DAPK1: variants seen among roughly 807,000 people sequenced by gnomAD.
DAPK1 encodes death associated protein kinase 1.
In DAPK1, 56 loss-of-function variants were observed where a neutral mutation model predicts 144.9. The ratio of observed to expected loss-of-function variants is 0.39; its 90% confidence interval spans 0.31 to 0.48. DAPK1 has a LOEUF of 0.48. DAPK1 is among the 20% of genes least tolerant of loss of function. The pLI, the probability that DAPK1 is intolerant of heterozygous loss-of-function variation, is 0.95. For synonymous variants in DAPK1, 690 were observed against 749.0 expected (o/e 0.92, Z 1.29); for missense variants, 1,454 against 1,875.4 (o/e 0.78, Z 4.15).
chr9:87,668,550 A>T (rs547569066), intron 18 of DAPK1, 47 bp from the exon 19 acceptor site: 9 of 930,054 alleles, frequency 9.7e-6, no homozygotes, highest in Non-Finnish European at 1.6e-5. Flanking sequence ...GAACACACAC[A>T]GCTCTCCTTT....
intron 3 of DAPK1, among the ~76,000 whole-genome samples, chr9:87,617,282 G>A (rs1829129645): frequency 6.6e-6 from 1 of 152,148 alleles, no homozygotes; most frequent in Admixed American, 6.5e-5. Context: ...TATTGGAATG[G>A]GGAGGTAGAG....
chr9:87,598,811 A>T (rs182846413), intron 2 of DAPK1, among the ~76,000 whole-genome samples: 27 of 152,360 alleles, frequency 1.8e-4, no homozygotes, highest in Admixed American at 5.9e-4. Context: ...ACCTACAGAA[A>T]CAGGAATGCT....
At chr9:87,674,766 G>A (rs1044456435) in intron 19 of DAPK1, among the ~76,000 whole-genome samples, 13 of 152,154 alleles carry the variant, frequency 8.5e-5, no homozygotes, top group South Asian at 8.3e-4. Context: ...TTCCCAGACC[G>A]TGAATGGTCT....
chr9:87,705,436 G>T (rs1451781989), intron 25 of DAPK1, among the ~76,000 whole-genome samples: 1 of 151,804 alleles, frequency 6.6e-6, no homozygotes, highest in Non-Finnish European at 1.5e-5. Flanking sequence ...TGGCCAGGCT[G>T]GTCTCAAACT....
At chr9:87,698,624 A>C (rs754849822) in intron 22 of DAPK1, 32 bp from the exon 23 acceptor site, 2 of 1,525,070 alleles carry the variant, frequency 1.3e-6, no homozygotes, top group Non-Finnish European at 1.8e-6. Context: ...AGGAGGACCC[A>C]CCCCCTGAAG....
At chr9:87,585,122 C>G (rs535425583) in intron 2 of DAPK1, among the ~76,000 whole-genome samples, 1 of 152,248 alleles carries the variant, frequency 6.6e-6, no homozygotes, top group Non-Finnish European at 1.5e-5. Context: ...ACACTTTTTC[C>G]CATTCGGTAG....
rs1335190608 is a variant in DAPK1 at position 87,652,199 on chromosome 9, C to G, written c.1824+475C>G. Among the ~76,000 whole-genome samples the G allele has an allele frequency of 2.4e-4, 30 of 123,526 alleles. No individual in the cohort carries two copies. In the East Asian group the frequency reaches 7.3e-3, roughly 30 times the overall value. 81.0% of individuals were successfully genotyped at this position (123,526 alleles called of 152,430 possible). On this transcript the variant is annotated intron_variant, in intron 17 of 25. Transcript: ENST00000408954. ...TCCCAGGTCCTGATTCTGTGTCCATCCCCCCGATCCCGGGTCCTGATTCTG... is the reference window on the plus strand; with the variant it reads ...TCCCAGGTCCTGATTCTGTGTCCATGCCCCCGATCCCGGGTCCTGATTCTG...
chr9:87,620,541 G>A (rs2119037642), intron 3 of DAPK1, among the ~76,000 whole-genome samples: 1 of 143,706 alleles, frequency 7.0e-6, no homozygotes, highest in African/African-American at 2.5e-5. Flanking sequence ...GCCCAGTCAA[G>A]AAGGAGGAAG....
At chr9:87,660,333 G>C (rs985438306) in intron 18 of DAPK1, among the ~76,000 whole-genome samples, 6 of 151,970 alleles carry the variant, frequency 3.9e-5, no homozygotes, top group African/African-American at 1.5e-4. Flanking sequence ...TGGGGGCGTC[G>C]CCCTCAGAAA....
chr9:87,521,985 A>C (rs1462099950), intron 2 of DAPK1, among the ~76,000 whole-genome samples: 2 of 152,120 alleles, frequency 1.3e-5, no homozygotes, highest in African/African-American at 4.8e-5. Context: ...TTTAGTGAGC[A>C]TTTTCTTGCC....
intron 2 of DAPK1, among the ~76,000 whole-genome samples, chr9:87,567,685 A>G (rs956328775): frequency 3.9e-5 from 6 of 152,038 alleles, no homozygotes; most frequent in Admixed American, 1.3e-4. Context: ...AGCTTTTCTC[A>G]GTGCTGGAGA....
In DAPK1 at chr9:87,686,766, G is replaced by A; in HGVS notation, c.2413+27G>A. The A allele has an allele frequency of 1.3e-6, 2 of 1,549,904 alleles. No homozygotes were observed. The highest frequency in any genetic ancestry group is 1.8e-6 in the Non-Finnish European group (2 of 1,126,190). On this transcript the variant is annotated intron_variant, in intron 21 of 25. Transcript: ENST00000408954. The surrounding 1 kb of genome is among the most constrained non-coding windows in gnomAD (Gnocchi z 4.2). The stretch of plus-strand genomic sequence containing the variant: ...TATGCCCTGCCTGCCCCAAGGGAAG[G>A]ACCTCAGGTTTCCCTTCAACAGGGT...
chr9:87,622,207 C>G (rs1829320456), intron 3 of DAPK1, among the ~76,000 whole-genome samples: 1 of 152,064 alleles, frequency 6.6e-6, no homozygotes, highest in South Asian at 2.1e-4. Context: ...GCCCTCGCTC[C>G]CTATCCCCTG....
intron 3 of DAPK1, among the ~76,000 whole-genome samples, chr9:87,631,128 G>A (rs1209841971): frequency 6.6e-6 from 1 of 152,124 alleles, no homozygotes; most frequent in Non-Finnish European, 1.5e-5. Flanking sequence ...CATACTTGGT[G>A]CCTGATTTCT....
At chr9:87,643,054 A>T (rs1250950063) in intron 10 of DAPK1, among the ~76,000 whole-genome samples, 1 of 152,098 alleles carries the variant, frequency 6.6e-6, no homozygotes, top group Non-Finnish European at 1.5e-5. Context: ...CCTTCTCCAA[A>T]CAGCAGAGAA....
At chr9:87,500,830 A>G (rs1252326099) in intron 2 of DAPK1, among the ~76,000 whole-genome samples, 3 of 152,162 alleles carry the variant, frequency 2.0e-5, no homozygotes, top group South Asian at 4.1e-4. Context: ...CAAATTGACA[A>G]ATTGTTTATT....
At chr9:87,525,232 G>A (rs1354480230) in intron 2 of DAPK1, 1 of 1,072,956 alleles carries the variant, frequency 9.3e-7, no homozygotes, top group Non-Finnish European at 1.4e-6. Flanking sequence ...CCTACCCAAT[G>A]CAGTGCTTAC....
intron 23 of DAPK1, among the ~76,000 whole-genome samples, chr9:87,699,192 A>G (rs1243749753): frequency 2.6e-5 from 4 of 152,244 alleles, no homozygotes; most frequent in Non-Finnish European, 5.9e-5. Flanking sequence ...TATTAAAACA[A>G]TGAATCCACA....
At chr9:87,557,871 G>A (rs1826775116) in intron 2 of DAPK1, among the ~76,000 whole-genome samples, 1 of 152,150 alleles carries the variant, frequency 6.6e-6, no homozygotes, top group Admixed American at 6.5e-5. Flanking sequence ...AACCTGGGAG[G>A]CGGAGGTTGC....
Sources: gnomAD v4.1 joint callset for allele counts (sites outside exome capture counted in the v4.1 genomes callset) on GRCh38, gnomAD v4.1.1 for gene constraint, Gnocchi (gnomAD v3.1) non-coding constraint, MANE v1.5 for transcripts, NCBI Gene and HGNC (gene_info 2026-07-23, HGNC 2026-07-21) for gene names.